The following MGST1 variants were observed in gnomAD, a reference collection of about 807,000 sequenced individuals.
The protein encoded by MGST1 is glutathione S-transferase 12.
A neutral mutation model predicts 8.9 loss-of-function variants in MGST1; 5 were observed. That is an observed-to-expected ratio of 0.56 (90% CI 0.29 to 1.19). The LOEUF is 1.19. Among genes scored for constraint, MGST1 ranks in the 50% most tolerant of loss-of-function variants. The probability of loss-of-function intolerance (pLI) is 0.08; values close to 1 mark genes in which losing one functional copy is unlikely to be tolerated. For synonymous variants in MGST1, 54 were observed against 67.8 expected (o/e 0.80, Z 1.00); for missense variants, 182 against 187.4 (o/e 0.97, Z 0.17).
At chr12:16,495,895 AT>A (rs1941467312) in intron 4 of MGST1, among the ~76,000 whole-genome samples, 1 of 152,120 alleles carries the variant, frequency 6.6e-6, no homozygotes, top group Admixed American at 6.6e-5. Context: ...AAGGTAAAGC[AT>A]TTGTCACAAT....
Position 16,559,814 on chromosome 12 carries a change from T to C in MGST1, n.483-29714T>C, listed in dbSNP as rs61915330. 6.7e-6 allele frequency among the ~76,000 whole-genome samples: 1 copy of C among 149,092 alleles called. No homozygotes were observed. The highest frequency in any genetic ancestry group is 1.5e-5 in the Non-Finnish European group (1 of 67,336). On this transcript the variant is annotated intron_variant and non_coding_transcript_variant, in intron 4 of 4. Transcript: ENST00000538857. The surrounding 1 kb of genome is among the most constrained non-coding windows in gnomAD (Gnocchi z 4.1). ...ATAAAAAATGAAAAAAAAAAAAAAT[T>C]AGCCAGGCATGGGAGTGCACACCTG...
downstream of MGST1, among the ~76,000 whole-genome samples, chr12:16,378,278 A>C (rs2137035747): frequency 6.6e-6 from 1 of 152,108 alleles, no homozygotes; most frequent in East Asian, 1.9e-4. Context: ...TTATGGTTTT[A>C]GGTCTAACAT....
At chr12:16,400,980 C>T (rs1480599093) in intron 1 of MGST1, 16 of 1,456,468 alleles carry the variant, frequency 1.1e-5, no homozygotes, top group Non-Finnish European at 1.1e-5. Context: ...AGTTGAGCCA[C>T]TAGTTCTTTT....
At chr12:16,395,813 A>G (rs1940601418) in intron 1 of MGST1, among the ~76,000 whole-genome samples, 1 of 149,348 alleles carries the variant, frequency 6.7e-6, no homozygotes, top group South Asian at 2.1e-4. Flanking sequence ...ATACACACAC[A>G]CACACACACA....
intron 4 of MGST1, among the ~76,000 whole-genome samples, chr12:16,508,931 G>A (rs1350403683): frequency 6.6e-6 from 1 of 152,158 alleles, no homozygotes; most frequent in African/African-American, 2.4e-5. Flanking sequence ...TGGTTAGGGG[G>A]TATTTTGGAC....
chr12:16,426,677 G>T (rs572638272), intron 1 of MGST1, among the ~76,000 whole-genome samples: 2 of 152,230 alleles, frequency 1.3e-5, no homozygotes, highest in African/African-American at 4.8e-5. Flanking sequence ...ACAAGGCCGG[G>T]CGCGTGGCTC....
chr12:16,554,467 A>G (rs1942110539), intron 4 of MGST1, among the ~76,000 whole-genome samples: 1 of 152,130 alleles, frequency 6.6e-6, no homozygotes, highest in African/African-American at 2.4e-5. Context: ...TTTCAATAAG[A>G]AGTCCGGGTT....
chr12:16,557,176 C>G (rs1942220949), intron 4 of MGST1, among the ~76,000 whole-genome samples: 1 of 152,034 alleles, frequency 6.6e-6, no homozygotes, highest in South Asian at 2.1e-4. Context: ...GGGTTTAGCA[C>G]TTGAATGTTT....
intron 1 of MGST1, among the ~76,000 whole-genome samples, chr12:16,408,205 C>T (rs1313202040): frequency 6.6e-6 from 1 of 151,856 alleles, no homozygotes; most frequent in Non-Finnish European, 1.5e-5. Flanking sequence ...ACAGCAAATA[C>T]TGGGGCTACT....
intron 1 of MGST1, chr12:16,399,476 C>T (rs573662670): frequency 3.2e-6 from 5 of 1,554,454 alleles, no homozygotes; most frequent in Admixed American, 3.3e-5. Context: ...CCTTTCCACT[C>T]TCTTCTTCAC....
chr12:16,466,354 C>T lies in MGST1; in HGVS notation n.482+82750C>T, dbSNP rs189618069. On this transcript the variant is annotated intron_variant and non_coding_transcript_variant, in intron 4 of 4. Coordinates refer to the MGST1 transcript ENST00000538857. ...GATTCTGAAATTTTTAAATAGCTGG[C>T]GAGGTCAAGGCTACTAATTCTGATG... Among the ~76,000 whole-genome samples the T allele has an allele frequency of 1.2e-4, 18 of 152,174 alleles. 1 individual carries two copies. The highest frequency in any genetic ancestry group is 5.8e-4 in the East Asian group (3 of 5,164).
intron 1 of MGST1, among the ~76,000 whole-genome samples, chr12:16,384,290 T>C (rs989000013): frequency 6.6e-6 from 1 of 151,944 alleles, no homozygotes; most frequent in African/African-American, 2.4e-5. Context: ...TGACCTTTTG[T>C]GGAAAAAAGG....
chr12:16,506,270 G>C (rs898977375), intron 4 of MGST1, among the ~76,000 whole-genome samples: 7 of 152,170 alleles, frequency 4.6e-5, no homozygotes, highest in Non-Finnish European at 8.8e-5. Context: ...GATCAGGAGA[G>C]AGCAACACAC....
At chr12:16,375,394 T>C (rs987897244) in intron 3 of MGST1, among the ~76,000 whole-genome samples, 2 of 152,036 alleles carry the variant, frequency 1.3e-5, no homozygotes, top group African/African-American at 2.4e-5. Flanking sequence ...ACATTGAAAG[T>C]AAAAAGAAAC....
chr12:16,567,925 G>A (rs529235782), intron 4 of MGST1, among the ~76,000 whole-genome samples: 24 of 152,222 alleles, frequency 1.6e-4, no homozygotes, highest in African/African-American at 5.5e-4. Flanking sequence ...ACTGAGTAGC[G>A]ATCATGATCT....
chr12:16,530,595 G>T (rs1399256199), intron 4 of MGST1, among the ~76,000 whole-genome samples: 4 of 152,162 alleles, frequency 2.6e-5, no homozygotes, highest in Admixed American at 1.3e-4. Flanking sequence ...GCCAGTTTAT[G>T]GAGGGGGTGA....
At chr12:16,396,849 C>T (rs1042395309) in intron 1 of MGST1, among the ~76,000 whole-genome samples, 5 of 151,950 alleles carry the variant, frequency 3.3e-5, no homozygotes, top group South Asian at 2.1e-4. Context: ...ATTGTGAAAA[C>T]GACCATACTG....
intron 1 of MGST1, among the ~76,000 whole-genome samples, chr12:16,409,454 G>C (rs1940723759): frequency 1.3e-5 from 2 of 152,104 alleles, no homozygotes; most frequent in Admixed American, 6.6e-5. Flanking sequence ...ACGTTCACCT[G>C]TGCATGCAGT....
intron 1 of MGST1, among the ~76,000 whole-genome samples, chr12:16,417,926 G>A (rs567259503): frequency 1.4e-4 from 21 of 152,162 alleles, no homozygotes; most frequent in Non-Finnish European, 2.5e-4. Context: ...AAATGTAATT[G>A]AGGTCCTTTC....
Sources: gnomAD v4.1 joint callset for allele counts (sites outside exome capture counted in the v4.1 genomes callset) on GRCh38, gnomAD v4.1.1 for gene constraint, Gnocchi (gnomAD v3.1) non-coding constraint, MANE v1.5 for transcripts, NCBI Gene and HGNC (gene_info 2026-07-23, HGNC 2026-07-21) for gene names.